TMPRSS4: variants seen among roughly 807,000 people sequenced by gnomAD.
TMPRSS4 encodes the protein transmembrane protease serine 4.
In TMPRSS4, 45 loss-of-function variants were observed where a neutral mutation model predicts 56.4. That is an observed-to-expected ratio of 0.80 (90% CI 0.63 to 1.02). The LOEUF is 1.02. TMPRSS4 is among the 50% of genes least tolerant of loss of function. The probability of loss-of-function intolerance (pLI) is 0.00; values close to 1 mark genes in which losing one functional copy is unlikely to be tolerated. For missense variants in TMPRSS4, 546 were observed against 556.7 expected, an observed-to-expected ratio of 0.98 and a Z score of 0.19; for synonymous variants, 205 against 211.0, an observed-to-expected ratio of 0.97 and a Z score of 0.25.
chr11:118,095,161 A>C (rs1265575994), intron 2 of TMPRSS4: 2 of 369,624 alleles, frequency 5.4e-6, no homozygotes, highest in East Asian at 1.1e-4. Flanking sequence ...GCCATGTGCC[A>C]GGCCCTAGGC....
chr11:118,103,714 G>C (rs1046289775), intron 4 of TMPRSS4, among the ~76,000 whole-genome samples: 1 of 152,118 alleles, frequency 6.6e-6, no homozygotes, highest in African/African-American at 2.4e-5. Flanking sequence ...ACCCTGTCTT[G>C]TCTACCTTTA....
intron 1 of TMPRSS4, among the ~76,000 whole-genome samples, chr11:118,082,638 A>C (rs1945233628): frequency 6.6e-6 from 1 of 152,224 alleles, no homozygotes; most frequent in African/African-American, 2.4e-5. Context: ...CCAAGGGCAA[A>C]GGGAAAACCA....
chr11:118,108,785 G>C, intron 6 of TMPRSS4, 71 bp from the exon 7 acceptor site: 1 of 1,543,914 alleles, frequency 6.5e-7, no homozygotes, highest in Non-Finnish European at 8.9e-7. Flanking sequence ...TAACAGCTTC[G>C]GGAGGCCTGA....
At position 118,117,886 on chromosome 11, in the gene TMPRSS4, G is replaced by T. The variant is rs752993112; in HGVS notation, c.1303-16G>T. On this transcript the variant is annotated splice_polypyrimidine_tract_variant and intron_variant, in intron 12 of 12. Coordinates refer to ENST00000437212, the MANE Select transcript of TMPRSS4 (RefSeq NM_019894.4). The stretch of plus-strand genomic sequence containing the variant: ...AGATAATCTGACTTTCTCTTCATCG[G>T]TCTCTCTTATTCTAGGCTGAGCTGT... 4 of 1,613,754 alleles carry T rather than the reference G, an allele frequency of 2.5e-6. No individual in the cohort carries two copies. In the African/African-American group the frequency reaches 5.3e-5, roughly 22 times the overall value.
intron 6 of TMPRSS4, 103 bp downstream of exon 6, chr11:118,107,978 T>C (rs1947084157): frequency 3.4e-6 from 3 of 875,124 alleles, no homozygotes; most frequent in Non-Finnish European, 5.5e-6. Flanking sequence ...CAGGGGAATG[T>C]AAGCAGACAT....
intron 1 of TMPRSS4, among the ~76,000 whole-genome samples, chr11:118,079,614 C>T (rs570822797): frequency 5.4e-4 from 82 of 152,342 alleles, no homozygotes; most frequent in Non-Finnish European, 8.2e-4. Flanking sequence ...AGCCACCAGA[C>T]GTGGGTGTTA....
intron 1 of TMPRSS4, among the ~76,000 whole-genome samples, chr11:118,090,105 G>A (rs1417831336): frequency 6.6e-6 from 1 of 152,124 alleles, no homozygotes; most frequent in Non-Finnish European, 1.5e-5. Flanking sequence ...GCCTCCCAAA[G>A]TGCTGGGATT....
At chr11:118,087,944 A>C (rs1280565121) in intron 1 of TMPRSS4, among the ~76,000 whole-genome samples, 2 of 152,348 alleles carry the variant, frequency 1.3e-5, no homozygotes, top group African/African-American at 4.8e-5. Context: ...TCTTGACCGC[A>C]TTCATGGATG....
At chr11:118,112,554 G>C (rs150913193) in intron 8 of TMPRSS4, among the ~76,000 whole-genome samples, 1 of 151,720 alleles carries the variant, frequency 6.6e-6, no homozygotes, top group Non-Finnish European at 1.5e-5. Context: ...CACCATGCCC[G>C]GCTAATTTTT....
intron 3 of TMPRSS4, among the ~76,000 whole-genome samples, chr11:118,102,613 G>A (rs999886276): frequency 3.3e-5 from 5 of 152,306 alleles, no homozygotes; most frequent in Admixed American, 1.3e-4. Flanking sequence ...GGAGGCTGAG[G>A]CAGGAGACTC....
intron 10 of TMPRSS4, 42 bp downstream of exon 10, chr11:118,114,969 G>T (rs1947463658): frequency 6.4e-7 from 1 of 1,561,020 alleles, no homozygotes; most frequent in African/African-American, 1.3e-5. Flanking sequence ...AGATGCCCTT[G>T]TATGAGGGAG....
chr11:118,114,095 C>T (rs1258281087), intron 9 of TMPRSS4, among the ~76,000 whole-genome samples: 2 of 152,124 alleles, frequency 1.3e-5, no homozygotes, highest in Admixed American at 1.3e-4. Context: ...TGCGTTTAAC[C>T]TACATTTTTT....
At chr11:118,109,972 C>A (rs1285472861) in intron 7 of TMPRSS4, among the ~76,000 whole-genome samples, 1 of 152,210 alleles carries the variant, frequency 6.6e-6, no homozygotes, top group African/African-American at 2.4e-5. Context: ...GACAGGTCCT[C>A]CCTTGAGGGG....
chr11:118,085,464 G>C (rs942824340), intron 1 of TMPRSS4, among the ~76,000 whole-genome samples: 5 of 152,034 alleles, frequency 3.3e-5, no homozygotes, highest in African/African-American at 1.2e-4. Context: ...GCTGGAGTCA[G>C]TCCCAATCAG....
chr11:118,122,863 T>C (rs1947821678), downstream of TMPRSS4, among the ~76,000 whole-genome samples: 1 of 152,114 alleles, frequency 6.6e-6, no homozygotes, highest in Admixed American at 6.5e-5. Context: ...TGGGGGCTGA[T>C]TAGGTCAGGA....
chr11:118,090,692 C>T (rs1445931937), intron 1 of TMPRSS4, among the ~76,000 whole-genome samples: 2 of 151,500 alleles, frequency 1.3e-5, no homozygotes, highest in African/African-American at 4.9e-5. Context: ...GTGGGAGGAG[C>T]CCTTGAGCGC....
chr11:118,080,545 G>A (rs768650201), intron 1 of TMPRSS4, among the ~76,000 whole-genome samples: 7 of 152,108 alleles, frequency 4.6e-5, no homozygotes, highest in African/African-American at 7.2e-5. Flanking sequence ...GGGCTCCTGC[G>A]TGACCCCAGG....
chr11:118,115,947 AG>A (rs1947528145), intron 11 of TMPRSS4, among the ~76,000 whole-genome samples: 1 of 152,156 alleles, frequency 6.6e-6, no homozygotes, highest in African/African-American at 2.4e-5. Flanking sequence ...ACTCTCCCCA[AG>A]CTGCTGAACT....
At chr11:118,103,388 G>GTTTGTTTGTTTGTTTT (rs1946829257) in intron 4 of TMPRSS4, 135 bp downstream of exon 4, 1 of 1,132,352 alleles carries the variant, frequency 8.8e-7, no homozygotes, top group South Asian at 1.8e-5. Flanking sequence ...TTGTTTGTTT[G>GTTTGTTTGTTTGTTTT]TTTGTTGTTG....
Sources: allele counts gnomAD v4.1 joint callset (sites outside exome capture counted in the v4.1 genomes callset), GRCh38; gene constraint gnomAD v4.1.1; transcripts MANE v1.5; gene names NCBI Gene and HGNC (gene_info 2026-07-23, HGNC 2026-07-21).